TCF7L1: variants seen among roughly 807,000 people sequenced by gnomAD.
TCF7L1 encodes the protein transcription factor 7 like 1.
TCF7L1 carries 18 observed loss-of-function variants against 63.7 expected under a neutral mutation model. That is an observed-to-expected ratio of 0.28 (90% CI 0.20 to 0.42). TCF7L1 has a LOEUF of 0.42. TCF7L1 is among the 10% of genes least tolerant of loss of function. The pLI is 1.00. For missense variants in TCF7L1, 654 were observed against 779.3 expected, an observed-to-expected ratio of 0.84 and a Z score of 1.91; for synonymous variants, 355 against 340.9, an observed-to-expected ratio of 1.04 and a Z score of -0.46.
In TCF7L1 at chr2:85,197,931, G is replaced by A. The variant is rs539149768; in HGVS notation, c.441+63481G>A. Among the ~76,000 whole-genome samples the A allele has an allele frequency of 2.6e-3, 400 of 152,320 alleles. 2 individuals carry two copies. The highest frequency in any genetic ancestry group is 8.8e-3 in the African/African-American group (366 of 41,572). The stretch of plus-strand genomic sequence containing the variant: ...CTTACTTCAGTGAGCAGTGTTGGGT[G>A]CCTGAGTGAGGAAGTAGAGGTGGCA... On this transcript the variant is annotated intron_variant, in intron 3 of 11. Transcript: ENST00000282111.
chr2:85,304,341 G>C lies in TCF7L1; in HGVS notation c.845+3G>C. 6.2e-7 allele frequency: 1 copy of C among 1,613,812 alleles called. No homozygotes were observed. The highest frequency in any genetic ancestry group is 8.5e-7 in the Non-Finnish European group (1 of 1,179,924). On this transcript the variant is annotated splice_donor_region_variant and intron_variant, in intron 7 of 11. Transcript: ENST00000282111. ...GCCATGAACGCCTCGATGTCCAGGT[G>C]AGTCCCGGGGCTGGGGCTGTCCGCA... is the stretch of plus-strand genomic sequence containing the variant.
chr2:85,288,759 A>T (rs2104374312), intron 4 of TCF7L1, among the ~76,000 whole-genome samples: 1 of 152,314 alleles, frequency 6.6e-6, no homozygotes, highest in Non-Finnish European at 1.5e-5. Flanking sequence ...TTGTATAAGC[A>T]ACTATTTGTA....
intron 3 of TCF7L1, among the ~76,000 whole-genome samples, chr2:85,189,294 C>T (rs1678996677): frequency 6.6e-6 from 1 of 151,996 alleles, no homozygotes; most frequent in South Asian, 2.1e-4. Flanking sequence ...CGTGTCCTTT[C>T]GAGATCATTT....
Position 85,293,665 on chromosome 2 carries a change from A to G in TCF7L1, c.526-8819A>G, listed in dbSNP as rs551291403. On this transcript the variant is annotated intron_variant, in intron 4 of 11. Transcript: ENST00000282111. Reference sequence around the variant, plus strand: ...AGAATTATAAATAAATAGTAAAAGCAAACACATGGCTACATCCTGACCTAT... The same window carrying G: ...AGAATTATAAATAAATAGTAAAAGCGAACACATGGCTACATCCTGACCTAT... Among the ~76,000 whole-genome samples the G allele has an allele frequency of 5.3e-5, 8 of 152,358 alleles. No individual in the cohort carries two copies. In the South Asian group the frequency reaches 1.2e-3, roughly 24 times the overall value.
At chr2:85,243,531 G>A (rs981386914) in intron 3 of TCF7L1, among the ~76,000 whole-genome samples, 1 of 152,150 alleles carries the variant, frequency 6.6e-6, no homozygotes, top group Non-Finnish European at 1.5e-5. Flanking sequence ...CATTCACAGG[G>A]GATCCAGTGT....
Position 85,309,517 on chromosome 2 carries a change from G to GAAGAAA in TCF7L1, c.*65_*70dup, listed in dbSNP as rs1462422270. 2 of 1,493,622 alleles carry GAAGAAA rather than the reference G, an allele frequency of 1.3e-6. No individual in the cohort carries two copies. The highest frequency in any genetic ancestry group is 2.3e-5 in the Admixed American group (1 of 43,372). The allele number at this position is 1,493,622 out of a possible 1,614,324, so 92.5% of individuals were successfully genotyped here. A position where few individuals can be genotyped will look rare whatever the true frequency, so the allele number is the denominator to read the frequency against. On this transcript the variant is annotated 3_prime_UTR_variant, in exon 12 of 12. Transcript: ENST00000282111. ...TGACTCATTGAGTAGTAATGATTCA[G>GAAGAAA]AAGAAAAAGAAAAAGGAGACTTTAT...
At chr2:85,281,189 A>G (rs967301992) in intron 3 of TCF7L1, among the ~76,000 whole-genome samples, 1 of 151,898 alleles carries the variant, frequency 6.6e-6, no homozygotes, top group African/African-American at 2.4e-5. Context: ...ATGCCCAGCT[A>G]ATTTTTGTAT....
At position 85,309,282 on chromosome 2, in the gene TCF7L1, C is replaced by T; in HGVS notation, c.1587C>T (p.Ala529=). 6.2e-7 allele frequency: 1 copy of T among 1,613,734 alleles called. No individual in the cohort carries two copies. Among genetic ancestry groups the T allele is most frequent in the Non-Finnish European group, 8.5e-7 (1 of 1,179,968 alleles). Residue 529 remains alanine, a synonymous_variant, in exon 12 of 12, where the codon GCC becomes GCT. Coordinates refer to ENST00000282111, the MANE Select transcript of TCF7L1 (RefSeq NM_031283.3). ...SAAFLSAKAA[A]SSSGQMGSQP... is the part of the protein sequence containing the mutation. ...CCTTCCTGTCGGCTAAGGCTGCAGC[C>T]TCCTCCTCTGGGCAGATGGGCAGCC...
chr2:85,209,353 C>A (rs937633202), intron 3 of TCF7L1, among the ~76,000 whole-genome samples: 2 of 152,204 alleles, frequency 1.3e-5, no homozygotes, highest in Admixed American at 1.3e-4. Flanking sequence ...CGGGTACATG[C>A]ATGAGATGGA....
At chr2:85,206,947 C>T (rs1679422978) in intron 3 of TCF7L1, among the ~76,000 whole-genome samples, 1 of 150,764 alleles carries the variant, frequency 6.6e-6, no homozygotes. Flanking sequence ...ACTCTCTGGT[C>T]AGAAATGTCA....
At chr2:85,293,842 G>A (rs780340554) in intron 4 of TCF7L1, among the ~76,000 whole-genome samples, 9 of 152,094 alleles carry the variant, frequency 5.9e-5, no homozygotes, top group Non-Finnish European at 1.3e-4. Context: ...CTTGGTTGTC[G>A]TCTTCTCAGT....
At chr2:85,281,985 G>C (rs1460341118) in intron 3 of TCF7L1, among the ~76,000 whole-genome samples, 2 of 140,190 alleles carry the variant, frequency 1.4e-5, no homozygotes, top group East Asian at 2.0e-4. Context: ...TGATTCAAAG[G>C]CTTCTTTTTT....
At chr2:85,135,010 G>A (rs1677558019) in intron 3 of TCF7L1, among the ~76,000 whole-genome samples, 1 of 152,164 alleles carries the variant, frequency 6.6e-6, no homozygotes, top group Non-Finnish European at 1.5e-5. Flanking sequence ...ATGATTTCGA[G>A]GCGACCCAAG....
chr2:85,201,805 G>T (rs930593866), intron 3 of TCF7L1, among the ~76,000 whole-genome samples: 2 of 152,110 alleles, frequency 1.3e-5, no homozygotes, highest in African/African-American at 4.8e-5. Context: ...TATCCTAATG[G>T]ATGTGAAGTG....
At chr2:85,268,614 G>A (rs1157291572) in intron 3 of TCF7L1, among the ~76,000 whole-genome samples, 1 of 151,384 alleles carries the variant, frequency 6.6e-6, no homozygotes, top group East Asian at 1.9e-4. Flanking sequence ...GCTAGTTTTT[G>A]TACTTTTCAT....
intron 3 of TCF7L1, among the ~76,000 whole-genome samples, chr2:85,232,688 T>C (rs1221709290): frequency 1.4e-4 from 22 of 152,218 alleles, no homozygotes; most frequent in Non-Finnish European, 7.3e-5. Flanking sequence ...CAGTGACATA[T>C]TCAGGAAGAG....
At chr2:85,249,905 T>G (rs568088611) in intron 3 of TCF7L1, among the ~76,000 whole-genome samples, 59 of 152,336 alleles carry the variant, frequency 3.9e-4, no homozygotes, top group African/African-American at 1.4e-3. Flanking sequence ...CATTATTTCT[T>G]TATCCCACTA....
intron 3 of TCF7L1, among the ~76,000 whole-genome samples, chr2:85,136,847 G>A (rs1386811947): frequency 1.3e-5 from 2 of 152,108 alleles, no homozygotes; most frequent in African/African-American, 4.8e-5. Flanking sequence ...TGGAGATGAT[G>A]GTTTTCTGCT....
At chr2:85,307,406 T>C (rs532377879) in intron 10 of TCF7L1, among the ~76,000 whole-genome samples, 1 of 152,252 alleles carries the variant, frequency 6.6e-6, no homozygotes, top group East Asian at 1.9e-4. Context: ...GGAGGAGGCC[T>C]TCCAAGAAGG....
Sources: gnomAD v4.1 joint callset for allele counts (sites outside exome capture counted in the v4.1 genomes callset) on GRCh38, gnomAD v4.1.1 for gene constraint, MANE v1.5 for transcripts, NCBI Gene and HGNC (gene_info 2026-07-23, HGNC 2026-07-21) for gene names.